The following SGPP1 variants were observed in gnomAD, a reference collection of about 807,000 sequenced individuals.
SGPP1 encodes the protein hSPP1.
SGPP1 carries 21 observed loss-of-function variants against 33.0 expected under a neutral mutation model. That is an observed-to-expected ratio of 0.64 (90% confidence interval 0.45 to 0.92). The LOEUF (loss-of-function observed/expected upper bound fraction) is 0.92. Ranked by LOEUF, SGPP1 falls within the 40% of genes least tolerant of loss-of-function variation. The probability of loss-of-function intolerance (pLI) is 0.00; values close to 1 mark genes in which losing one functional copy is unlikely to be tolerated. For missense variants in SGPP1, 543 were observed against 589.4 expected (o/e 0.92, Z 0.81); for synonymous variants, 239 against 241.2 (o/e 0.99, Z 0.08).
chr14:63,714,885 G>A (rs960704203), intron 1 of SGPP1, among the ~76,000 whole-genome samples: 18 of 151,280 alleles, frequency 1.2e-4, no homozygotes, highest in African/African-American at 2.9e-4. Context: ...ACACCACCAC[G>A]CCTGGCTAAC....
intron 1 of SGPP1, among the ~76,000 whole-genome samples, chr14:63,698,979 T>C (rs1885244664): frequency 1.3e-5 from 2 of 152,206 alleles, no homozygotes; most frequent in African/African-American, 2.4e-5. Flanking sequence ...GAGACATACT[T>C]TTAATATGGC....
chr14:63,695,016 T>G (rs988212624), intron 2 of SGPP1, among the ~76,000 whole-genome samples: 1 of 152,138 alleles, frequency 6.6e-6, no homozygotes, highest in African/African-American at 2.4e-5. Context: ...GAAATTCAGG[T>G]CTCCCATCTC....
chr14:63,700,901 C>T (rs987745663), intron 1 of SGPP1, among the ~76,000 whole-genome samples: 2 of 152,160 alleles, frequency 1.3e-5, no homozygotes, highest in Non-Finnish European at 1.5e-5. Context: ...CATCACGAGA[C>T]GGGCAAGCTT....
chr14:63,712,088 A>G (rs542344484), intron 1 of SGPP1, among the ~76,000 whole-genome samples: 139 of 152,210 alleles, frequency 9.1e-4, no homozygotes, highest in Non-Finnish European at 1.5e-3. Context: ...CATAAAATTA[A>G]TAATCACATA....
chr14:63,686,674 T>C lies in SGPP1; in HGVS notation c.775-18A>G, dbSNP rs761565661. 3.3e-6 allele frequency: 5 copies of C among 1,534,480 alleles called. No individual in the cohort carries two copies. Among genetic ancestry groups the C allele is most frequent in the Non-Finnish European group, 4.5e-6 (5 of 1,122,804 alleles). On this transcript the variant is annotated intron_variant, in intron 2 of 2. Coordinates refer to ENST00000247225, the MANE Select transcript of SGPP1 (RefSeq NM_030791.4). ...ATAATATCCTAGGAAAAGATAAAAGTATCGTTGTTTAGTATAATACTGAAT... is the reference window on the plus strand; with the variant it reads ...ATAATATCCTAGGAAAAGATAAAAGCATCGTTGTTTAGTATAATACTGAAT...
At chr14:63,718,260 AAG>A (rs1566536267) in intron 1 of SGPP1, among the ~76,000 whole-genome samples, 3 of 152,040 alleles carry the variant, frequency 2.0e-5, no homozygotes, top group African/African-American at 7.2e-5. Context: ...AAAAAAAAAA[AAG>A]AAGTGCCAAG....
At position 63,688,069 on chromosome 14, in the gene SGPP1, G is replaced by T. The variant is rs1333782639; in HGVS notation, c.775-1413C>A. Among the ~76,000 whole-genome samples the T allele has an allele frequency of 2.0e-5, 3 of 152,118 alleles. No homozygotes were observed. In the East Asian group the frequency reaches 5.8e-4, roughly 29 times the overall value. The stretch of plus-strand genomic sequence containing the variant: ...GAACCCGGGAGGCAGAGTTTGGGGT[G>T]AGTCAAGATCGCACCATTGCACTCC... On this transcript the variant is annotated intron_variant, in intron 2 of 2. Transcript: ENST00000247225.
At chr14:63,709,006 AATAT>A (rs1351000335) in intron 1 of SGPP1, among the ~76,000 whole-genome samples, 21 of 152,282 alleles carry the variant, frequency 1.4e-4, no homozygotes, top group Non-Finnish European at 2.9e-4. Flanking sequence ...ATATCACTCA[AATAT>A]ATTTTAAGTT....
intron 1 of SGPP1, among the ~76,000 whole-genome samples, chr14:63,710,438 T>A (rs1031826267): frequency 1.1e-4 from 17 of 152,184 alleles, no homozygotes; most frequent in African/African-American, 3.6e-4. Flanking sequence ...ACTTCATGCA[T>A]TATATTGGAA....
intron 2 of SGPP1, among the ~76,000 whole-genome samples, chr14:63,687,445 A>G (rs1885002895): frequency 1.3e-5 from 2 of 152,212 alleles, no homozygotes; most frequent in Non-Finnish European, 1.5e-5. Flanking sequence ...TGATAACCAC[A>G]TAAGAAAGCA....
At chr14:63,703,072 A>G (rs952515383) in intron 1 of SGPP1, among the ~76,000 whole-genome samples, 4 of 152,192 alleles carry the variant, frequency 2.6e-5, no homozygotes, top group African/African-American at 9.6e-5. Flanking sequence ...CCCCATTCAC[A>G]GACGAAGTGA....
chr14:63,709,873 C>CT (rs11433807), intron 1 of SGPP1, among the ~76,000 whole-genome samples: 2,958 of 152,174 alleles, frequency 0.019, 87 homozygotes, highest in African/African-American at 0.067. Flanking sequence ...TACCAAACGG[C>CT]TTTTTTCTTT....
chr14:63,721,356 A>G (rs1885767144), intron 1 of SGPP1, among the ~76,000 whole-genome samples: 2 of 152,078 alleles, frequency 1.3e-5, no homozygotes, highest in South Asian at 4.2e-4. Flanking sequence ...AGGTAGAAGA[A>G]TCACTTGAAC....
chr14:63,723,547 C>T (rs1393245127), intron 1 of SGPP1, among the ~76,000 whole-genome samples: 1 of 151,934 alleles, frequency 6.6e-6, no homozygotes, highest in East Asian at 1.9e-4. Flanking sequence ...GGTGAAACCC[C>T]GTCTCTACTA....
chr14:63,717,897 A>G (rs758390108), intron 1 of SGPP1, among the ~76,000 whole-genome samples: 10 of 152,212 alleles, frequency 6.6e-5, no homozygotes, highest in Middle Eastern at 3.2e-3. Context: ...ATTTCAGCAG[A>G]TATTTTGTCA....
intron 1 of SGPP1, among the ~76,000 whole-genome samples, chr14:63,706,916 G>A (rs957857501): frequency 1.3e-5 from 2 of 151,550 alleles, no homozygotes; most frequent in South Asian, 2.1e-4. Flanking sequence ...GGTAGCATGC[G>A]CCTGTAGTCC....
intron 2 of SGPP1, among the ~76,000 whole-genome samples, chr14:63,690,626 C>A (rs989996565): frequency 6.6e-6 from 1 of 152,170 alleles, no homozygotes; most frequent in Non-Finnish European, 1.5e-5. Flanking sequence ...TTTGTTTTGT[C>A]TAGCAGAATC....
At chr14:63,703,392 TGCCTATAATCCCAG>T (rs1885341385) in intron 1 of SGPP1, among the ~76,000 whole-genome samples, 7 of 152,112 alleles carry the variant, frequency 4.6e-5, no homozygotes, top group Admixed American at 3.9e-4. Flanking sequence ...CAGTGGTTCA[TGCCTATAATCCCAG>T]CACTTTGGGA....
intron 1 of SGPP1, among the ~76,000 whole-genome samples, chr14:63,707,428 A>G (rs926378574): frequency 1.3e-5 from 2 of 152,184 alleles, no homozygotes; most frequent in Non-Finnish European, 2.9e-5. Context: ...GGCAGGCCCC[A>G]GCATTCCAGA....
Sources: allele counts gnomAD v4.1 joint callset (sites outside exome capture counted in the v4.1 genomes callset), GRCh38; gene constraint gnomAD v4.1.1; transcripts MANE v1.5; gene names NCBI Gene and HGNC (gene_info 2026-07-23, HGNC 2026-07-21).